The following RARS2 variants were observed in gnomAD, a reference collection of about 807,000 sequenced individuals.
The protein encoded by RARS2 is probable arginine--tRNA ligase, mitochondrial.
In RARS2, 67 loss-of-function variants were observed where a neutral mutation model predicts 88.5. That is an observed-to-expected ratio of 0.76 (90% confidence interval 0.62 to 0.93). The LOEUF (loss-of-function observed/expected upper bound fraction) is 0.93, where lower values mean the gene tolerates loss of function less well. Ranked by LOEUF, RARS2 falls within the 40% of genes least tolerant of loss-of-function variation. The pLI is 0.00. For synonymous variants in RARS2, 239 were observed against 230.3 expected (o/e 1.04, Z -0.34); for missense variants, 664 against 684.2 (o/e 0.97, Z 0.33).
At chr6:87,530,428 C>T (rs1214782306) in intron 9 of RARS2, among the ~76,000 whole-genome samples, 4 of 152,192 alleles carry the variant, frequency 2.6e-5, no homozygotes, top group Admixed American at 2.6e-4. Flanking sequence ...GGGTTTTCCT[C>T]TTCTATTCGC....
chr6:87,539,284 C>T (rs192257285), intron 8 of RARS2, among the ~76,000 whole-genome samples: 6 of 152,240 alleles, frequency 3.9e-5, no homozygotes, highest in African/African-American at 1.4e-4. Context: ...AGAGGTTCCC[C>T]TTCAAAGACA....
chr6:87,523,267 A>C (rs1463991380), intron 11 of RARS2, among the ~76,000 whole-genome samples: 1 of 152,218 alleles, frequency 6.6e-6, no homozygotes, highest in African/African-American at 2.4e-5. Flanking sequence ...CATTTAGTCC[A>C]GATCTCTCAT....
At chr6:87,546,965 C>T (rs1782786614) in intron 6 of RARS2, among the ~76,000 whole-genome samples, 1 of 152,110 alleles carries the variant, frequency 6.6e-6, no homozygotes, top group Non-Finnish European at 1.5e-5. Flanking sequence ...ATGTCTGAAC[C>T]TAGACTTCTG....
At chr6:87,515,147 A>C in intron 18 of RARS2, 127 bp from the exon 19 acceptor site, 3 of 795,100 alleles carry the variant, frequency 3.8e-6, no homozygotes, top group Non-Finnish European at 6.5e-6. Context: ...TGTATTCAAA[A>C]TTGTGAAGTT....
chr6:87,551,626 C>CAACAAA (rs1416067720), intron 5 of RARS2, among the ~76,000 whole-genome samples: 3 of 65,166 alleles, frequency 4.6e-5, no homozygotes, highest in Non-Finnish European at 7.9e-5. Flanking sequence ...TCCGTCTCAA[C>CAACAAA]AAAAAAAAAA....
chr6:87,578,010 C>T (rs916358142), intron 1 of RARS2, among the ~76,000 whole-genome samples: 1 of 151,812 alleles, frequency 6.6e-6, no homozygotes, highest in Non-Finnish European at 1.5e-5. Context: ...AGGCCAAGCG[C>T]GGTGGCTCAT....
At chr6:87,567,381 C>T (rs866962879) in intron 2 of RARS2, among the ~76,000 whole-genome samples, 4 of 152,204 alleles carry the variant, frequency 2.6e-5, no homozygotes, top group African/African-American at 4.8e-5. Flanking sequence ...TAGTTATTTT[C>T]CCATTAATTC....
chr6:87,573,369 C>T (rs796909722), intron 1 of RARS2, among the ~76,000 whole-genome samples: 3 of 152,288 alleles, frequency 2.0e-5, no homozygotes, highest in African/African-American at 4.8e-5. Flanking sequence ...GATCCAATCA[C>T]CTCTCACCAG....
intron 5 of RARS2, among the ~76,000 whole-genome samples, chr6:87,554,496 C>A (rs1311515767): frequency 6.6e-6 from 1 of 152,142 alleles, no homozygotes; most frequent in African/African-American, 2.4e-5. Context: ...CTTGGTGTGT[C>A]TTACCAGAGC....
At chr6:87,587,622 G>T (rs994492764) in intron 1 of RARS2, among the ~76,000 whole-genome samples, 1 of 152,096 alleles carries the variant, frequency 6.6e-6, no homozygotes, top group African/African-American at 2.4e-5. Context: ...GTGGCTTTGG[G>T]TAAGTTATTT....
At chr6:87,572,073 T>C (rs1769919067) in intron 1 of RARS2, among the ~76,000 whole-genome samples, 1 of 143,282 alleles carries the variant, frequency 7.0e-6, no homozygotes, top group South Asian at 2.3e-4. Flanking sequence ...ACATCAGTAA[T>C]AAAGGTTCTA....
intron 2 of RARS2, 88 bp downstream of exon 2, chr6:87,569,429 T>C (rs775004727): frequency 4.6e-5 from 46 of 1,007,536 alleles, no homozygotes; most frequent in Non-Finnish European, 6.5e-5. Flanking sequence ...TTCCACAAAC[T>C]GAAGAGTAAC....
intron 18 of RARS2, among the ~76,000 whole-genome samples, chr6:87,516,439 GCTTT>G (rs1771768848): frequency 1.3e-5 from 2 of 152,110 alleles, no homozygotes; most frequent in Non-Finnish European, 2.9e-5. Flanking sequence ...TCAACTCTGG[GCTTT>G]CTTCTTCTTC....
intron 1 of RARS2, among the ~76,000 whole-genome samples, chr6:87,581,852 G>A (rs1046791774): frequency 1.3e-5 from 2 of 152,156 alleles, no homozygotes; most frequent in Non-Finnish European, 2.9e-5. Flanking sequence ...AATGTGCAGT[G>A]TTTGGTTTTT....
chr6:87,549,155 G>A (rs1783574445), intron 5 of RARS2, among the ~76,000 whole-genome samples: 1 of 152,032 alleles, frequency 6.6e-6, no homozygotes, highest in Non-Finnish European at 1.5e-5. Flanking sequence ...AGGAGTTCTA[G>A]ACCATCCTGG....
At chr6:87,574,338 G>A (rs1770733973) in intron 1 of RARS2, among the ~76,000 whole-genome samples, 1 of 152,186 alleles carries the variant, frequency 6.6e-6, no homozygotes. Flanking sequence ...ATGTGTACAG[G>A]TCACCATGAC....
chr6:87,580,005 C>G (rs1717756237), intron 1 of RARS2, among the ~76,000 whole-genome samples: 1 of 151,986 alleles, frequency 6.6e-6, no homozygotes, highest in Admixed American at 6.6e-5. Context: ...TCCCAAAGTG[C>G]TGGGATTACA....
chr6:87,532,184 ATAAATACTGC>A (rs763571455), intron 8 of RARS2, among the ~76,000 whole-genome samples: 127 of 152,288 alleles, frequency 8.3e-4, no homozygotes, highest in Non-Finnish European at 1.5e-3. Flanking sequence ...ACTTAAATAA[ATAAATACTGC>A]TAAATAAAGT....
At position 87,524,649 on chromosome 6, in the gene RARS2, T is replaced by C. The variant is rs1391620931; in HGVS notation, c.882A>G (p.Lys294=). 1.2e-6 allele frequency: 2 copies of C among 1,608,510 alleles called. No individual in the cohort carries two copies. Among genetic ancestry groups the C allele is most frequent in the Non-Finnish European group, 1.7e-6 (2 of 1,175,292 alleles). The change falls in exon 11 of 20, where the codon AAA becomes AAG. Residue 294 remains lysine, a synonymous_variant. Coordinates refer to ENST00000369536, the MANE Select transcript of RARS2 (RefSeq NM_020320.5). ...CAGAGAGATCTACTACAGCCGTTCC[T>C]TTTCTAGAAATTCGAAAAGGTAACT... ...ESKGLLLKTI[K]GTAVVDLSGN... is the part of the protein sequence containing the mutation.
Sources: allele counts gnomAD v4.1 joint callset (sites outside exome capture counted in the v4.1 genomes callset), GRCh38; gene constraint gnomAD v4.1.1; transcripts MANE v1.5; gene names NCBI Gene and HGNC (gene_info 2026-07-23, HGNC 2026-07-21).